Variants in PHF14 observed in about 807,000 individuals in gnomAD.
PHF14 encodes PHD finger protein 14.
In PHF14, 55 loss-of-function variants were observed where a neutral mutation model predicts 117.9. That is an observed-to-expected ratio of 0.47 (90% confidence interval 0.38 to 0.58). PHF14 has a LOEUF of 0.58. Among genes scored for constraint, PHF14 ranks in the 20% least tolerant of loss-of-function variants. The pLI is 0.00. For synonymous variants in PHF14, 409 were observed against 368.6 expected, an observed-to-expected ratio of 1.11 and a Z score of -1.26; for missense variants, 978 against 1,122.2, an observed-to-expected ratio of 0.87 and a Z score of 1.84.
intron 3 of PHF14, among the ~76,000 whole-genome samples, chr7:10,985,472 T>C (rs1401645184): frequency 6.6e-6 from 1 of 151,986 alleles, no homozygotes; most frequent in East Asian, 1.9e-4. Context: ...TGTAGCAAAA[T>C]AATGACCTGA....
intron 17 of PHF14, among the ~76,000 whole-genome samples, chr7:11,126,806 G>T (rs1225877872): frequency 6.7e-6 from 1 of 148,586 alleles, no homozygotes; most frequent in Non-Finnish European, 1.5e-5. Flanking sequence ...GTCTGAATTT[G>T]ACATCATTAA....
intron 3 of PHF14, among the ~76,000 whole-genome samples, chr7:10,985,714 A>G (rs1358247484): frequency 2.5e-5 from 3 of 118,862 alleles, no homozygotes; most frequent in African/African-American, 9.7e-5. Context: ...GTACAGTGGC[A>G]TGATCTCGGC....
At chr7:11,076,014 C>T (rs1051524550) in intron 16 of PHF14, among the ~76,000 whole-genome samples, 4 of 152,170 alleles carry the variant, frequency 2.6e-5, no homozygotes, top group Non-Finnish European at 5.9e-5. Flanking sequence ...TGGCGGGCGC[C>T]TGTAGTTCCA....
At chr7:11,004,123 C>A (rs964215807) in intron 4 of PHF14, among the ~76,000 whole-genome samples, 1 of 151,714 alleles carries the variant, frequency 6.6e-6, no homozygotes, top group African/African-American at 2.4e-5. Context: ...TGGCTTGCGC[C>A]TGTAGTCCCA....
chr7:11,036,103 A>G (rs1190356601), intron 8 of PHF14, among the ~76,000 whole-genome samples: 1 of 152,214 alleles, frequency 6.6e-6, no homozygotes, highest in Non-Finnish European at 1.5e-5. Flanking sequence ...CAGTTTGCCT[A>G]TATTTAAAAT....
intron 16 of PHF14, among the ~76,000 whole-genome samples, chr7:11,086,114 C>G (rs1786399477): frequency 6.6e-6 from 1 of 152,202 alleles, no homozygotes; most frequent in Non-Finnish European, 1.5e-5. Context: ...TCAACTCTCT[C>G]CTGGACCGTT....
At chr7:11,075,658 C>T (rs563057751) in intron 16 of PHF14, among the ~76,000 whole-genome samples, 4 of 148,452 alleles carry the variant, frequency 2.7e-5, no homozygotes, top group Non-Finnish European at 5.9e-5. Flanking sequence ...GCACCTCCAA[C>T]ACTGGAAGTC....
chr7:11,036,962 A>T, intron 9 of PHF14, 23 bp from the exon 10 acceptor site: 1 of 1,439,072 alleles, frequency 6.9e-7, no homozygotes, highest in Middle Eastern at 1.8e-4. Flanking sequence ...ACTAAAGTAA[A>T]ATTCGATATT....
rs1362302542 is a variant in PHF14 at position 11,130,397 on chromosome 7, A to G, written c.2772+18930A>G. On this transcript the variant is annotated intron_variant, in intron 17 of 17. Coordinates refer to ENST00000634607, the MANE Select transcript of PHF14 (RefSeq NM_001007157.2). This position sits in a 1 kb window ranked among gnomAD's most constrained non-coding sequence, Gnocchi z 4.2. Reference sequence around the variant, plus strand: ...ACGTATATACAATTTATATGGGGGAAACTGCATAATAGTGTGAAATGTAAT... The same window carrying G: ...ACGTATATACAATTTATATGGGGGAGACTGCATAATAGTGTGAAATGTAAT... Among the ~76,000 whole-genome samples, 1 of 151,996 alleles carries G rather than the reference A, an allele frequency of 6.6e-6. No homozygotes were observed. Among genetic ancestry groups the G allele is most frequent in the Non-Finnish European group, 1.5e-5 (1 of 67,942 alleles).
At chr7:11,005,770 A>C in intron 4 of PHF14, among the ~76,000 whole-genome samples, 1 of 149,972 alleles carries the variant, frequency 6.7e-6, no homozygotes, top group African/African-American at 2.5e-5. Context: ...TGGGATAGAT[A>C]CCTAGAAGTA....
intron 16 of PHF14, among the ~76,000 whole-genome samples, chr7:11,093,101 T>G (rs1786706586): frequency 6.6e-6 from 1 of 152,228 alleles, no homozygotes; most frequent in South Asian, 2.1e-4. Context: ...CCTTAGGACT[T>G]TCTCTTTAAC....
At chr7:11,169,235 G>A (rs887825086) in intron 17 of PHF14, among the ~76,000 whole-genome samples, 181 bp from the exon 18 acceptor site, 9 of 152,054 alleles carry the variant, frequency 5.9e-5, no homozygotes, top group Admixed American at 4.6e-4. Flanking sequence ...AAATTTTAAT[G>A]TGTTCTATAA....
chr7:11,001,621 TG>T (rs1249154103), intron 4 of PHF14, among the ~76,000 whole-genome samples: 11 of 47,300 alleles, frequency 2.3e-4, no homozygotes, highest in African/African-American at 9.8e-4. Flanking sequence ...TTTTATTTTT[TG>T]GGGGGTGCTA....
intron 16 of PHF14, among the ~76,000 whole-genome samples, chr7:11,094,174 C>G (rs1786754629): frequency 6.6e-6 from 1 of 152,104 alleles, no homozygotes; most frequent in African/African-American, 2.4e-5. Context: ...TCTTGAGTAC[C>G]TGGTGGAGGT....
At chr7:11,136,012 G>A (rs2128349769) in intron 17 of PHF14, among the ~76,000 whole-genome samples, 1 of 152,234 alleles carries the variant, frequency 6.6e-6, no homozygotes, top group East Asian at 1.9e-4. Flanking sequence ...AGAAGAAAAT[G>A]TAGAAAAAAA....
At position 11,097,130 on chromosome 7, in the gene PHF14, C is replaced by T. The variant is rs368974079; in HGVS notation, c.2655-14220C>T. 2.6e-5 allele frequency among the ~76,000 whole-genome samples: 4 copies of T among 151,964 alleles called. No individual in the cohort carries two copies. In the South Asian group the frequency reaches 6.2e-4, roughly 24 times the overall value. ...AAGTAGCTGGGATTACAGGCATGCACCACCATGCCCGGCTAATTTTATATT... is the reference window on the plus strand; with the variant it reads ...AAGTAGCTGGGATTACAGGCATGCATCACCATGCCCGGCTAATTTTATATT... On this transcript the variant is annotated intron_variant, in intron 16 of 17. Coordinates refer to ENST00000634607, the MANE Select transcript of PHF14 (RefSeq NM_001007157.2).
intron 4 of PHF14, among the ~76,000 whole-genome samples, chr7:11,009,826 A>G (rs1420241839): frequency 6.6e-6 from 1 of 152,242 alleles, no homozygotes; most frequent in Non-Finnish European, 1.5e-5. Context: ...GAGCTTGCAC[A>G]ACACCATTCT....
chr7:11,096,464 G>C (rs940978608), intron 16 of PHF14, among the ~76,000 whole-genome samples: 1 of 152,116 alleles, frequency 6.6e-6, no homozygotes, highest in African/African-American at 2.4e-5. Context: ...TTATCGTAAA[G>C]TTTTTGAATG....
intron 4 of PHF14, among the ~76,000 whole-genome samples, chr7:11,003,448 A>C (rs1238516454): frequency 6.6e-6 from 1 of 152,142 alleles, no homozygotes. Flanking sequence ...TGTTATTTGG[A>C]GATTTGAAAA....
Sources: allele counts gnomAD v4.1 joint callset (sites outside exome capture counted in the v4.1 genomes callset), GRCh38; gene constraint gnomAD v4.1.1; non-coding constraint Gnocchi (gnomAD v3.1); transcripts MANE v1.5; gene names NCBI Gene and HGNC (gene_info 2026-07-23, HGNC 2026-07-21).